LRRC72: variants seen among roughly 807,000 people sequenced by gnomAD.
The protein encoded by LRRC72 is leucine-rich repeat-containing protein 72.
In LRRC72, 41 loss-of-function variants were observed where a neutral mutation model predicts 35.8. The observed-to-expected ratio is 1.15, with a 90% CI of 0.89 to 1.49. The LOEUF (loss-of-function observed/expected upper bound fraction) is 1.49. Among genes scored for constraint, LRRC72 ranks in the 40% most tolerant of loss-of-function variants. The pLI is 0.00. For synonymous variants in LRRC72, 118 were observed against 119.2 expected, an observed-to-expected ratio of 0.99 and a Z score of 0.07; for missense variants, 389 against 330.7, an observed-to-expected ratio of 1.18 and a Z score of -1.37.
chr7:16,568,591 T>A (rs1316987569), intron 7 of LRRC72, among the ~76,000 whole-genome samples: 1 of 152,198 alleles, frequency 6.6e-6, no homozygotes, highest in Non-Finnish European at 1.5e-5. Context: ...AAAGTGATAA[T>A]GGCTGGAAAT....
At chr7:16,568,186 G>T (rs879489100) in intron 7 of LRRC72, among the ~76,000 whole-genome samples, 1 of 152,174 alleles carries the variant, frequency 6.6e-6, no homozygotes, top group Admixed American at 6.5e-5. Context: ...ACTGTTCAAG[G>T]ATATATCTGT....
intron 3 of LRRC72, among the ~76,000 whole-genome samples, chr7:16,553,688 G>C (rs1170633324): frequency 6.6e-6 from 1 of 152,134 alleles, no homozygotes; most frequent in African/African-American, 2.4e-5. Context: ...ACAACCCCCA[G>C]GGTAGCCCCT....
At chr7:16,546,480 G>C (rs866825663) in intron 3 of LRRC72, among the ~76,000 whole-genome samples, 3 of 151,890 alleles carry the variant, frequency 2.0e-5, no homozygotes, top group Non-Finnish European at 4.4e-5. Flanking sequence ...AATGCTCCCT[G>C]GGGGGCAAAA....
intron 5 of LRRC72, among the ~76,000 whole-genome samples, chr7:16,560,390 A>G (rs1782725722): frequency 6.6e-6 from 1 of 152,330 alleles, no homozygotes; most frequent in African/African-American, 2.4e-5. Flanking sequence ...TGTTATAGTT[A>G]GATTCTTTAA....
Position 16,532,673 on chromosome 7 carries a change from C to T in LRRC72, c.164+105C>T, listed in dbSNP as rs919314573. 19 of 840,832 alleles carry T rather than the reference C, an allele frequency of 2.3e-5. 1 individual carries two copies. The Admixed American group carries it at 3.8e-4, about 17-fold the overall frequency. 52.1% of individuals were successfully genotyped at this position (840,832 alleles called of 1,614,324 possible). A position where few individuals can be genotyped will look rare whatever the true frequency, so the allele number is the denominator to read the frequency against. ...ATTTTCCATTTTTCCCCCTCAAGGA[C>T]TGGGTAGGACTCCAATTATTTTACC... On this transcript the variant is annotated intron_variant, in intron 2 of 8. Transcript: ENST00000401542.
At chr7:16,580,414 G>T (rs1289971916) in intron 8 of LRRC72, among the ~76,000 whole-genome samples, 1 of 152,190 alleles carries the variant, frequency 6.6e-6, no homozygotes, top group Non-Finnish European at 1.5e-5. Flanking sequence ...AGGCCATGGT[G>T]GGTGGATCAC....
chr7:16,536,371 A>T (rs78606593), intron 2 of LRRC72, among the ~76,000 whole-genome samples: 1 of 152,148 alleles, frequency 6.6e-6, no homozygotes, highest in Non-Finnish European at 1.5e-5. Flanking sequence ...ATTCAATTTC[A>T]TCTTCTTAGG....
At chr7:16,546,978 G>A (rs981283128) in intron 3 of LRRC72, among the ~76,000 whole-genome samples, 3 of 152,160 alleles carry the variant, frequency 2.0e-5, no homozygotes, top group African/African-American at 7.2e-5. Context: ...GTGGCAGCAG[G>A]AGCAGCTCTG....
chr7:16,537,700 G>A lies in LRRC72; in HGVS notation c.234+4G>A, dbSNP rs1487189178. On this transcript the variant is annotated splice_donor_region_variant and intron_variant, in intron 3 of 8. Coordinates refer to ENST00000401542, the MANE Select transcript of LRRC72 (RefSeq NM_001195280.2). Reference sequence around the variant, plus strand: ...CTTATGGCTTCATCATAACAAGGTAGTGTTTTATTTTATCTTTCAATTACT... The same window carrying A: ...CTTATGGCTTCATCATAACAAGGTAATGTTTTATTTTATCTTTCAATTACT... 2.8e-6 allele frequency: 4 copies of A among 1,415,470 alleles called. No individual in the cohort carries two copies. Among genetic ancestry groups the A allele is most frequent in the Admixed American group, 2.3e-5 (1 of 42,972 alleles). 87.7% of individuals were successfully genotyped at this position (1,415,470 alleles called of 1,614,324 possible).
At chr7:16,555,638 G>A (rs115487784) in intron 3 of LRRC72, among the ~76,000 whole-genome samples, 2,241 of 152,208 alleles carry the variant, frequency 0.015, 48 homozygotes, top group African/African-American at 0.051. Context: ...TGGCTATGGC[G>A]GCATGTGCCT....
In LRRC72 at chr7:16,550,204, G is replaced by C. The variant is rs557831156; in HGVS notation, c.235-7156G>C. On this transcript the variant is annotated intron_variant, in intron 3 of 8. Coordinates refer to ENST00000401542, the MANE Select transcript of LRRC72 (RefSeq NM_001195280.2). ...TGCACTCCAACCTGGGCAACAGAGT[G>C]AGACCCTATCTCAAAAAAATAAAAT... Among the ~76,000 whole-genome samples the C allele has an allele frequency of 3.9e-5, 6 of 152,120 alleles. No individual in the cohort carries two copies. In the South Asian group the frequency reaches 1.2e-3, roughly 32 times the overall value.
rs891332276 is a variant in LRRC72 at position 16,581,290 on chromosome 7, C to CT, written c.699-27dup. ...TTGGTCAAATTTTCATTTTTGATTGCTTTTTTTCTGACATAATTGCTTTTT... is the reference window on the plus strand; with the variant it reads ...TTGGTCAAATTTTCATTTTTGATTGCTTTTTTTTCTGACATAATTGCTTTTT... On this transcript the variant is annotated intron_variant, in intron 8 of 8. Coordinates refer to ENST00000401542, the MANE Select transcript of LRRC72 (RefSeq NM_001195280.2). 9 of 1,409,876 alleles carry CT rather than the reference C, an allele frequency of 6.4e-6. No homozygotes were observed. In the East Asian group the frequency reaches 2.1e-4, roughly 34 times the overall value. The allele number at this position is 1,409,876 out of a possible 1,614,324, so 87.3% of individuals were successfully genotyped here.
intron 3 of LRRC72, among the ~76,000 whole-genome samples, chr7:16,538,368 C>A (rs1377369379): frequency 6.6e-6 from 1 of 152,124 alleles, no homozygotes; most frequent in African/African-American, 2.4e-5. Flanking sequence ...TTGATCCTTC[C>A]CGTTATAGCT....
chr7:16,561,380 CATA>C (rs1278836235), intron 5 of LRRC72, among the ~76,000 whole-genome samples: 9 of 152,108 alleles, frequency 5.9e-5, no homozygotes, highest in African/African-American at 2.2e-4. Flanking sequence ...GAGTTATGCC[CATA>C]GTAATAAATA....
Position 16,581,562 on chromosome 7 carries a change from T to C in LRRC72, c.*73T>C. 8.9e-7 allele frequency: 1 copy of C among 1,120,408 alleles called. No homozygotes were observed. The highest frequency in any genetic ancestry group is 1.2e-6 in the Non-Finnish European group (1 of 843,556). 69.4% of individuals were successfully genotyped at this position (1,120,408 alleles called of 1,614,324 possible). On this transcript the variant is annotated 3_prime_UTR_variant, in exon 9 of 9. Transcript: ENST00000401542. ...CTTCCCTGTGACTTAGCATATTACA[T>C]ACTTACAATGATATTATTTGAGACA...
At chr7:16,542,325 A>G (rs370045437) in intron 3 of LRRC72, among the ~76,000 whole-genome samples, 34 of 152,312 alleles carry the variant, frequency 2.2e-4, no homozygotes, top group African/African-American at 7.7e-4. Context: ...ATACAACAAA[A>G]GGCTGAATTT....
Position 16,537,689 on chromosome 7 carries a change from A to C in LRRC72, c.227A>C (p.His76Pro). ...FKKLKYLWLHHNKLHGITFLT... is the reference protein window; with the variant it reads ...FKKLKYLWLHPNKLHGITFLT... Reference sequence around the variant, plus strand: ...AAATTAAAATACTTATGGCTTCATCATAACAAGGTAGTGTTTTATTTTATC... The same window carrying C: ...AAATTAAAATACTTATGGCTTCATCCTAACAAGGTAGTGTTTTATTTTATC... Residue 76 changes from histidine to proline, a missense_variant, in exon 3 of 9, where the codon CAT (histidine) becomes CCT (proline). Transcript: ENST00000401542. 2.0e-6 allele frequency: 3 copies of C among 1,471,816 alleles called. No individual in the cohort carries two copies. The highest frequency in any genetic ancestry group is 2.8e-6 in the Non-Finnish European group (3 of 1,086,876). 91.2% of individuals were successfully genotyped at this position (1,471,816 alleles called of 1,614,324 possible). A position where few individuals can be genotyped will look rare whatever the true frequency, so the allele number is the denominator to read the frequency against.
chr7:16,531,700 A>G (rs144030204), intron 1 of LRRC72, among the ~76,000 whole-genome samples: 1 of 152,340 alleles, frequency 6.6e-6, no homozygotes, highest in African/African-American at 2.4e-5. Flanking sequence ...TTCTCATGGA[A>G]AATTACAGAC....
rs530397176 is a variant in LRRC72, at chr7:16,567,470, C to T, written c.597C>T (p.Phe199=). The T allele has an allele frequency of 1.8e-5, 28 of 1,531,302 alleles. No homozygotes were observed. The East Asian group carries it at 5.5e-4, about 30-fold the overall frequency. 94.9% of individuals were successfully genotyped at this position (1,531,302 alleles called of 1,614,324 possible). Residue 199 remains phenylalanine, a synonymous_variant, in exon 7 of 9, where the codon TTC becomes TTT. Coordinates refer to ENST00000401542, the MANE Select transcript of LRRC72 (RefSeq NM_001195280.2). The stretch of plus-strand genomic sequence containing the variant: ...CTCATATCGTTCAATCAATAGCATT[C>T]GGAGGAAAAGTGGATGCTTCATGGG... The part of the protein sequence containing the change: ...KKAHIVQSIA[F]GGKVDASWDP...
Sources: allele counts gnomAD v4.1 joint callset (sites outside exome capture counted in the v4.1 genomes callset), GRCh38; gene constraint gnomAD v4.1.1; transcripts MANE v1.5; gene names NCBI Gene and HGNC (gene_info 2026-07-23, HGNC 2026-07-21).